Variants in MGAT4D observed in about 807,000 individuals in gnomAD.
MGAT4D encodes the protein alpha-1,3-mannosyl-glycoprotein 4-beta-N-acetylglucosaminyltransferase-like protein MGAT4D.
In MGAT4D, 34 loss-of-function variants were observed where a neutral mutation model predicts 15.9. The observed-to-expected ratio is 2.14, with a 90% confidence interval of 1.62 to 2.84. The LOEUF (loss-of-function observed/expected upper bound fraction) is 2.84, where lower values mean the gene tolerates loss of function less well. MGAT4D is among the 30% of genes most tolerant of loss of function. The pLI, the probability that MGAT4D is intolerant of heterozygous loss-of-function variation, is 0.00. For synonymous variants in MGAT4D, 112 were observed against 48.2 expected, an observed-to-expected ratio of 2.33 and a Z score of -5.49; for missense variants, 327 against 140.2, an observed-to-expected ratio of 2.33 and a Z score of -6.73.
chr4:140,463,066 T>C (rs998436781), intron 6 of MGAT4D, among the ~76,000 whole-genome samples: 4 of 152,134 alleles, frequency 2.6e-5, no homozygotes, highest in Admixed American at 1.3e-4. Context: ...CTGAGGAACC[T>C]GAAAATCCAG....
intron 5 of MGAT4D, among the ~76,000 whole-genome samples, chr4:140,468,940 C>T (rs1459172262): frequency 6.6e-6 from 1 of 152,094 alleles, no homozygotes; most frequent in Non-Finnish European, 1.5e-5. Context: ...GCTCTCATCT[C>T]CTCTTTGGTC....
intron 10 of MGAT4D, chr4:140,449,982 G>C (rs1287877204): frequency 4.1e-6 from 1 of 246,096 alleles, no homozygotes. Context: ...CCACTTTATT[G>C]AAGGATTAAT....
At chr4:140,472,833 T>C (rs1732055936) in intron 4 of MGAT4D, among the ~76,000 whole-genome samples, 1 of 152,164 alleles carries the variant, frequency 6.6e-6, no homozygotes, top group African/African-American at 2.4e-5. Flanking sequence ...ATTTTGGAGA[T>C]TATGTGCATA....
chr4:140,489,888 T>C (rs1733392479), intron 1 of MGAT4D, among the ~76,000 whole-genome samples: 1 of 152,194 alleles, frequency 6.6e-6, no homozygotes, highest in Non-Finnish European at 1.5e-5. Context: ...TAACAACATA[T>C]ATGGTATAGG....
At chr4:140,487,572 T>G (rs932699411) in intron 1 of MGAT4D, among the ~76,000 whole-genome samples, 9 of 152,202 alleles carry the variant, frequency 5.9e-5, no homozygotes, top group Admixed American at 6.6e-5. Context: ...CCAAAATGTT[T>G]CAACATAAAA....
chr4:140,454,012 ATGTGTGTGTGTG>A (rs34758499), intron 9 of MGAT4D, among the ~76,000 whole-genome samples: 1 of 148,102 alleles, frequency 6.8e-6, no homozygotes, highest in Non-Finnish European at 1.5e-5. Context: ...TCTAGGATGT[ATGTGTGTGTGTG>A]TGTGTGTGTG....
At chr4:140,469,616 T>C (rs565235159) in intron 5 of MGAT4D, among the ~76,000 whole-genome samples, 11 of 152,300 alleles carry the variant, frequency 7.2e-5, no homozygotes, top group African/African-American at 2.6e-4. Context: ...CATTCCACTT[T>C]TTAAAGACTC....
At chr4:140,482,233 T>C in intron 2 of MGAT4D, 94 bp downstream of exon 2, 3 of 541,728 alleles carry the variant, frequency 5.5e-6, no homozygotes, top group Non-Finnish European at 9.7e-6. Context: ...AGTACTGATA[T>C]AGTTAAGTTT....
At chr4:140,460,383 CTG>C (rs1731095499) in intron 7 of MGAT4D, among the ~76,000 whole-genome samples, 2 of 152,214 alleles carry the variant, frequency 1.3e-5, no homozygotes, top group East Asian at 3.9e-4. Context: ...ATGTCTTCCA[CTG>C]TGTCCTCACA....
chr4:140,471,206 G>A (rs767518453), intron 5 of MGAT4D, among the ~76,000 whole-genome samples: 11 of 150,744 alleles, frequency 7.3e-5, no homozygotes, highest in Middle Eastern at 3.4e-3. Context: ...TTTTCCTTTC[G>A]TTTCTCCTTT....
At chr4:140,489,076 C>A (rs1351783292) in intron 1 of MGAT4D, among the ~76,000 whole-genome samples, 1 of 152,194 alleles carries the variant, frequency 6.6e-6, no homozygotes, top group Non-Finnish European at 1.5e-5. Flanking sequence ...TGGCCTACTA[C>A]AGTTTATCAT....
chr4:140,485,847 A>AAAAAAAAAAAAAAAAAAAAAAT (rs1733087890), intron 1 of MGAT4D, among the ~76,000 whole-genome samples: 1 of 133,852 alleles, frequency 7.5e-6, no homozygotes, highest in Admixed American at 7.7e-5. Context: ...AAAAAAAAAA[A>AAAAAAAAAAAAAAAAAAAAAAT]AGCAATGATG....
At chr4:140,473,640 G>A (rs1467546184) in intron 4 of MGAT4D, among the ~76,000 whole-genome samples, 1 of 152,178 alleles carries the variant, frequency 6.6e-6, no homozygotes, top group Non-Finnish European at 1.5e-5. Flanking sequence ...TCTAAATCCA[G>A]AGTCTGTTCT....
At chr4:140,482,230 ATATAGT>A (rs1732781747) in intron 2 of MGAT4D, 91 bp downstream of exon 2, 1 of 542,060 alleles carries the variant, frequency 1.8e-6, no homozygotes, top group African/African-American at 2.0e-5. Context: ...ACCAGTACTG[ATATAGT>A]TAAGTTTATA....
intron 7 of MGAT4D, 52 bp from the exon 8 acceptor site, chr4:140,459,678 T>A: frequency 2.6e-6 from 1 of 385,042 alleles, no homozygotes; most frequent in African/African-American, 2.1e-5. Flanking sequence ...TTCCATTGAG[T>A]AAAGCTATAT....
At chr4:140,460,858 G>T (rs1173223353) in intron 7 of MGAT4D, among the ~76,000 whole-genome samples, 1 of 152,144 alleles carries the variant, frequency 6.6e-6, no homozygotes, top group Non-Finnish European at 1.5e-5. Context: ...TGGGAGAGAT[G>T]CAAACATTCA....
chr4:140,475,246 C>T (rs1337061112), intron 3 of MGAT4D, among the ~76,000 whole-genome samples: 1 of 152,106 alleles, frequency 6.6e-6, no homozygotes, highest in Non-Finnish European at 1.5e-5. Flanking sequence ...ACTATAGGTT[C>T]ATCTAACTGA....
intron 4 of MGAT4D, among the ~76,000 whole-genome samples, chr4:140,473,889 T>TGG (rs1407975906): frequency 6.6e-6 from 1 of 151,312 alleles, no homozygotes; most frequent in African/African-American, 2.4e-5. Flanking sequence ...TTAGTAGAGA[T>TGG]GGGGGTCTCG....
chr4:140,491,721 C>T (rs779717239), intron 1 of MGAT4D, among the ~76,000 whole-genome samples: 11 of 151,810 alleles, frequency 7.2e-5, no homozygotes, highest in Admixed American at 2.0e-4. Context: ...GAACAGAGAG[C>T]GGAGACACCA....
Sources: allele counts gnomAD v4.1 joint callset (sites outside exome capture counted in the v4.1 genomes callset), GRCh38; gene constraint gnomAD v4.1.1; transcripts MANE v1.5; gene names NCBI Gene and HGNC (gene_info 2026-07-23, HGNC 2026-07-21).